The following IL7 variants were observed in gnomAD, a reference collection of about 807,000 sequenced individuals.
The protein encoded by IL7 is interleukin 7, also known as interleukin-7.
Under a neutral mutation model 21.6 loss-of-function variants are expected in IL7, and 3 were observed. That is an observed-to-expected ratio of 0.14 (90% confidence interval 0.06 to 0.36). IL7 has a LOEUF of 0.36. Among genes scored for constraint, IL7 ranks in the 10% least tolerant of loss-of-function variants. IL7 has a pLI of 1.00. For missense variants in IL7, 175 were observed against 200.2 expected (o/e 0.87, Z 0.76); for synonymous variants, 62 against 68.1 (o/e 0.91, Z 0.44).
At chr8:78,727,669 G>A (rs1030113769) in intron 3 of IL7, among the ~76,000 whole-genome samples, 2 of 151,910 alleles carry the variant, frequency 1.3e-5, no homozygotes, top group African/African-American at 4.8e-5. Flanking sequence ...TGATAAGGAG[G>A]CAATGGGTAA....
chr8:78,781,432 C>G (rs1237860729), intron 2 of IL7, among the ~76,000 whole-genome samples: 1 of 152,164 alleles, frequency 6.6e-6, no homozygotes, highest in African/African-American at 2.4e-5. Context: ...ATTTCCTCAG[C>G]ATTTGCCTGT....
chr8:78,752,836 C>T (rs140223086), intron 2 of IL7, among the ~76,000 whole-genome samples: 290 of 152,200 alleles, frequency 1.9e-3, no homozygotes, highest in Middle Eastern at 6.8e-3. Context: ...GGAGTGAGAA[C>T]GTGCGGTCTT....
rs71264200 is a variant in IL7 at position 78,723,092 on chromosome 8, AATAT to A, written n.268-1656_268-1653del. ...CCTTCTATAAAAATATAGAAGTACAAATATATATATATATATATATATTTAGAAG... is the reference window on the plus strand; with the variant it reads ...CCTTCTATAAAAATATAGAAGTACAAATATATATATATATATATTTAGAAG... On this transcript the variant is annotated intron_variant and non_coding_transcript_variant, in intron 3 of 6. Transcript: ENST00000519833. 3.6e-5 allele frequency among the ~76,000 whole-genome samples: 5 copies of A among 140,496 alleles called. No individual in the cohort carries two copies. In the South Asian group the frequency reaches 9.0e-4, roughly 25 times the overall value. The allele number at this position is 140,496 out of a possible 152,430, so 92.2% of individuals were successfully genotyped here.
At chr8:78,767,195 T>C (rs1045570426) in intron 2 of IL7, among the ~76,000 whole-genome samples, 3 of 152,012 alleles carry the variant, frequency 2.0e-5, no homozygotes, top group Non-Finnish European at 2.9e-5. Context: ...GTTTATCTCT[T>C]ATATAGTGCA....
intron 3 of IL7, chr8:78,698,423 C>T (rs752530643): frequency 1.9e-6 from 3 of 1,610,922 alleles, no homozygotes; most frequent in Non-Finnish European, 2.5e-6. Context: ...GGTGTTCCTT[C>T]AGGTAAAGTG....
rs1306411424 is a variant in IL7 at position 78,680,632 on chromosome 8, GA to G, written n.274-4529del. On this transcript the variant is annotated intron_variant and non_coding_transcript_variant, in intron 4 of 4. Transcript: ENST00000523959. The stretch of plus-strand genomic sequence containing the variant: ...AAAGCAACTACAAACTTCATTTTTG[GA>G]AAAACAAAAGGTAGGCATAATTCAT... Among the ~76,000 whole-genome samples, 3 of 152,036 alleles carry G rather than the reference GA, an allele frequency of 2.0e-5. No individual in the cohort carries two copies. The East Asian group carries it at 5.8e-4, about 29-fold the overall frequency.
chr8:78,801,344 T>C (rs902047306), intron 1 of IL7, among the ~76,000 whole-genome samples: 3 of 152,352 alleles, frequency 2.0e-5, no homozygotes, highest in African/African-American at 7.2e-5. Context: ...AGAGTTGAAG[T>C]AGTTGAGGAT....
chr8:78,720,048 A>T lies in IL7; in HGVS notation n.477-938T>A, dbSNP rs928152206. 7.2e-5 allele frequency among the ~76,000 whole-genome samples: 11 copies of T among 151,976 alleles called. No individual in the cohort carries two copies. In the East Asian group the frequency reaches 1.9e-3, roughly 27 times the overall value. ...ACAAACATTTGTGATGTCAAGGTTA[A>T]TAGGAAACATGGACGTTTCTAGTTA... On this transcript the variant is annotated intron_variant and non_coding_transcript_variant, in intron 5 of 6. Coordinates refer to the IL7 transcript ENST00000519833.
chr8:78,698,547 T>C, intron 3 of IL7: 1 of 1,434,448 alleles, frequency 7.0e-7, no homozygotes, highest in East Asian at 2.3e-5. Flanking sequence ...ATTAGTGGTA[T>C]ATAATTAAAC....
chr8:78,734,730 A>C (rs1485918881), intron 5 of IL7, among the ~76,000 whole-genome samples: 1 of 152,152 alleles, frequency 6.6e-6, no homozygotes, highest in African/African-American at 2.4e-5. Flanking sequence ...TTTAGATAAC[A>C]AGTTATTGGG....
intron 3 of IL7, chr8:78,697,316 TA>T: frequency 9.4e-7 from 1 of 1,068,560 alleles, no homozygotes; most frequent in Non-Finnish European, 1.3e-6. Flanking sequence ...GCTGAAATCC[TA>T]AACCCAAAGA....
chr8:78,776,026 G>A (rs548425592), intron 2 of IL7, among the ~76,000 whole-genome samples: 10 of 151,832 alleles, frequency 6.6e-5, no homozygotes, highest in East Asian at 1.9e-4. Context: ...CTATATATGC[G>A]GTACTTTTCT....
chr8:78,774,588 A>G (rs1813070410), intron 2 of IL7, among the ~76,000 whole-genome samples: 2 of 152,076 alleles, frequency 1.3e-5, no homozygotes, highest in African/African-American at 4.8e-5. Context: ...CGTGCAATTT[A>G]TTGGCACTGT....
intron 5 of IL7, among the ~76,000 whole-genome samples, 194 bp downstream of exon 5, chr8:78,736,280 T>A (rs992370081): frequency 1.3e-5 from 2 of 151,922 alleles, no homozygotes; most frequent in Non-Finnish European, 2.9e-5. Context: ...GCTTCTATTT[T>A]AAAATAGTGG....
chr8:78,735,293 G>GTTTTTTTTTTTTTTTTTTTTTTTTTTTT (rs33976248), intron 5 of IL7, among the ~76,000 whole-genome samples: 3 of 69,574 alleles, frequency 4.3e-5, no homozygotes, highest in African/African-American at 5.7e-5. Context: ...TTTTTTTTTT[G>GTTTTTTTTTTTTTTTTTTTTTTTTTTTT]TTTTTTTTTT....
intron 3 of IL7, chr8:78,689,418 T>G: frequency 6.7e-7 from 1 of 1,497,094 alleles, no homozygotes. Context: ...AAATGGCTCA[T>G]GGACATTCAT....
chr8:78,789,351 TA>T (rs1312918506), intron 2 of IL7, among the ~76,000 whole-genome samples: 3 of 152,182 alleles, frequency 2.0e-5, no homozygotes, highest in African/African-American at 4.8e-5. Context: ...AAATTGATAT[TA>T]AAAAACTAAT....
At chr8:78,797,907 A>G (rs1813914784) in intron 2 of IL7, 165 bp downstream of exon 2, 1 of 472,748 alleles carries the variant, frequency 2.1e-6, no homozygotes, top group East Asian at 3.2e-5. Context: ...CTACATAATT[A>G]TGTCAGCTAT....
At chr8:78,761,804 C>T (rs1473536616) in intron 2 of IL7, 13 of 1,611,844 alleles carry the variant, frequency 8.1e-6, no homozygotes, top group Non-Finnish European at 1.1e-5. Context: ...AGAATTTATC[C>T]GACACTCCAG....
Sources: gnomAD v4.1 joint callset for allele counts (sites outside exome capture counted in the v4.1 genomes callset) on GRCh38, gnomAD v4.1.1 for gene constraint, MANE v1.5 for transcripts, NCBI Gene and HGNC (gene_info 2026-07-23, HGNC 2026-07-21) for gene names.